ZC3H13: variants seen among roughly 807,000 people sequenced by gnomAD.
The protein encoded by ZC3H13 is zinc finger CCCH domain-containing protein 13.
ZC3H13 carries 64 observed loss-of-function variants against 204.1 expected under a neutral mutation model. The observed-to-expected ratio is 0.31, with a 90% CI of 0.26 to 0.39. The LOEUF (loss-of-function observed/expected upper bound fraction) is 0.39, where lower values mean the gene tolerates loss of function less well. ZC3H13 is among the 10% of genes least tolerant of loss of function. ZC3H13 has a pLI of 1.00. For missense variants in ZC3H13, 1,833 were observed against 2,082.7 expected, an observed-to-expected ratio of 0.88 and a Z score of 2.33; for synonymous variants, 667 against 693.7, an observed-to-expected ratio of 0.96 and a Z score of 0.60.
rs186331864 is a variant in ZC3H13 at position 46,017,407 on chromosome 13, G to T, written c.448+3042C>A. Among the ~76,000 whole-genome samples, 742 of 152,224 alleles carry T rather than the reference G, an allele frequency of 4.9e-3. 1 individual carries two copies. The highest frequency in any genetic ancestry group is 8.1e-3 in the Non-Finnish European group (552 of 68,006). The stretch of plus-strand genomic sequence containing the variant: ...TGTGGTTAACAGGTGGAATGTAGAA[G>T]CAGGTAAGAAAATCTACCTATCAAC... On this transcript the variant is annotated intron_variant, in intron 5 of 18. Coordinates refer to ENST00000679008, the MANE Select transcript of ZC3H13 (RefSeq NM_001330564.2).
chr13:46,024,802 C>T (rs1434472599), intron 4 of ZC3H13, among the ~76,000 whole-genome samples: 1 of 151,720 alleles, frequency 6.6e-6, no homozygotes, highest in African/African-American at 2.4e-5. Flanking sequence ...TGTTTTTAAA[C>T]CTTGTCAATA....
intron 5 of ZC3H13, among the ~76,000 whole-genome samples, chr13:46,014,075 A>G (rs1322381062): frequency 6.6e-6 from 1 of 152,236 alleles, no homozygotes; most frequent in East Asian, 1.9e-4. Flanking sequence ...AATGCAAACT[A>G]GTACATCTAT....
intron 8 of ZC3H13, among the ~76,000 whole-genome samples, chr13:45,998,669 A>G (rs1438489637): frequency 6.6e-6 from 1 of 152,092 alleles, no homozygotes; most frequent in Non-Finnish European, 1.5e-5. Context: ...ATAAAAGTAC[A>G]TAACTTAATT....
chr13:45,990,783 A>T (rs2039912279), intron 8 of ZC3H13, among the ~76,000 whole-genome samples: 1 of 151,412 alleles, frequency 6.6e-6, no homozygotes, highest in Non-Finnish European at 1.5e-5. Flanking sequence ...TTCAATTTCA[A>T]TGTCATTAGG....
At position 45,967,556 on chromosome 13, in the gene ZC3H13, A is replaced by G; in HGVS notation, c.4269T>C (p.Ser1423=). ...TATTTGTTTCTTCAAATCCCTGCAC[A>G]GATCCCAGATCTTTATCCATTCTCT... ...DKERMDKDLG[S]VQGFEETNKS... Residue 1423 remains serine, a synonymous_variant, in exon 15 of 19, where the codon TCT becomes TCC. Coordinates refer to ENST00000679008, the MANE Select transcript of ZC3H13 (RefSeq NM_001330564.2). 1 of 1,606,424 alleles carries G rather than the reference A, an allele frequency of 6.2e-7. No homozygotes were observed.
intron 4 of ZC3H13, among the ~76,000 whole-genome samples, chr13:46,023,264 C>G (rs2042331376): frequency 1.3e-5 from 2 of 152,158 alleles, no homozygotes; most frequent in Admixed American, 1.3e-4. Context: ...AAAATCTTAG[C>G]TCTGTGCTGT....
intron 12 of ZC3H13, among the ~76,000 whole-genome samples, chr13:45,971,837 T>A (rs1385894337): frequency 6.6e-6 from 1 of 151,830 alleles, no homozygotes; most frequent in Non-Finnish European, 1.5e-5. Context: ...AAAAAGTGGA[T>A]AAAGGACACG....
chr13:46,048,580 CAAAAAAA>C (rs56753264), intron 1 of ZC3H13, among the ~76,000 whole-genome samples: 1 of 38,660 alleles, frequency 2.6e-5, no homozygotes, highest in Non-Finnish European at 4.3e-5. Flanking sequence ...GACTCCGCCT[CAAAAAAA>C]AAAAAAAAAA....
At position 45,988,900 on chromosome 13, in the gene ZC3H13, G is replaced by A; in HGVS notation, c.1142C>T (p.Ser381Phe). 2 of 1,614,178 alleles carry A rather than the reference G, an allele frequency of 1.2e-6. No individual in the cohort carries two copies. Among genetic ancestry groups the A allele is most frequent in the Non-Finnish European group, 1.7e-6 (2 of 1,180,042 alleles). Residue 381 changes from serine to phenylalanine, a missense_variant, in exon 9 of 19, where the codon TCT becomes TTT. Ser to Phe is a radical substitution (Grantham distance 155). Around this residue, in one of 5 missense-constraint regions of ZC3H13, gnomAD observed 1,574 missense variants for 1,757.2 expected, o/e 0.90. Transcript: ENST00000679008. ...ASPYPSHSLS[S>F]PQRKQSPPRH... ...TGGAGGACTCTGCTTTCTCTGGGGA[G>A]ACGACAAAGAATGTGAAGGATAAGG...
chr13:46,013,359 A>C (rs891916397), intron 5 of ZC3H13, among the ~76,000 whole-genome samples: 1 of 152,076 alleles, frequency 6.6e-6, no homozygotes, highest in Non-Finnish European at 1.5e-5. Flanking sequence ...GGTTGCAGTA[A>C]GCTGACATCG....
In ZC3H13 at chr13:45,963,130, G is replaced by T. The variant is rs967420708; in HGVS notation, c.4675+712C>A. Reference sequence around the variant, plus strand: ...TCCTAATTACCATAGGAAGTTGGTGGTATGATTATTCCTGACTTACAGATG... The same window carrying T: ...TCCTAATTACCATAGGAAGTTGGTGTTATGATTATTCCTGACTTACAGATG... On this transcript the variant is annotated intron_variant, in intron 17 of 18. Coordinates refer to ENST00000679008, the MANE Select transcript of ZC3H13 (RefSeq NM_001330564.2). 64 of 968,044 alleles carry T rather than the reference G, an allele frequency of 6.6e-5. 3 individuals carry two copies. The highest frequency in any genetic ancestry group is 6.2e-5 in the Admixed American group (1 of 16,220). The allele number at this position is 968,044 out of a possible 1,614,324, so 60.0% of individuals were successfully genotyped here.
chr13:46,024,443 A>T (rs1284240701), intron 4 of ZC3H13, among the ~76,000 whole-genome samples: 1 of 152,168 alleles, frequency 6.6e-6, no homozygotes, highest in African/African-American at 2.4e-5. Flanking sequence ...ACTTTGGTAC[A>T]TACTTTGGGT....
chr13:46,024,316 C>T (rs1206901063), intron 4 of ZC3H13, among the ~76,000 whole-genome samples: 1 of 152,134 alleles, frequency 6.6e-6, no homozygotes, highest in Non-Finnish European at 1.5e-5. Flanking sequence ...GGTCTTTTTC[C>T]ATCTTCCTGA....
At chr13:46,029,652 T>A (rs898662528) in intron 4 of ZC3H13, among the ~76,000 whole-genome samples, 3 of 151,672 alleles carry the variant, frequency 2.0e-5, no homozygotes, top group African/African-American at 7.3e-5. Context: ...ATGGTCTCGA[T>A]CTCCTGACCT....
intron 4 of ZC3H13, among the ~76,000 whole-genome samples, chr13:46,036,309 A>G (rs1360074009): frequency 6.6e-6 from 1 of 152,242 alleles, no homozygotes; most frequent in Non-Finnish European, 1.5e-5. Flanking sequence ...CAATTCAGTA[A>G]TAAGACACCT....
chr13:46,040,660 G>T (rs1386764140), intron 4 of ZC3H13, among the ~76,000 whole-genome samples: 1 of 152,104 alleles, frequency 6.6e-6, no homozygotes, highest in African/African-American at 2.4e-5. Context: ...TCAAGAATGT[G>T]ATGATAACAC....
chr13:46,048,267 A>G (rs2044120226), intron 1 of ZC3H13, among the ~76,000 whole-genome samples: 1 of 152,020 alleles, frequency 6.6e-6, no homozygotes, highest in South Asian at 2.1e-4. Context: ...CTCCAATCCT[A>G]GACTCCCTAA....
rs1952342106 is a variant in ZC3H13 at position 45,969,065 on chromosome 13, C to T, written c.3479G>A (p.Cys1160Tyr). The change falls in exon 14 of 19, where the codon TGC becomes TAC. Residue 1160 changes from cysteine (C) to tyrosine (Y), a missense_variant. Around this residue, in one of 5 missense-constraint regions of ZC3H13, gnomAD observed 1,574 missense variants for 1,757.2 expected, o/e 0.90. Transcript: ENST00000679008. ...TFANEDSHRKCHRTRVEKVET... is the reference protein window; with the variant it reads ...TFANEDSHRKYHRTRVEKVET... Reference sequence around the variant, plus strand: ...TACTTTTTCTACTCGTGTTCTGTGGCATTTTCTGTGTGAGTCTTCATTGGC... The same window carrying T: ...TACTTTTTCTACTCGTGTTCTGTGGTATTTTCTGTGTGAGTCTTCATTGGC... The T allele has an allele frequency of 5.0e-6, 8 of 1,614,156 alleles. No individual in the cohort carries two copies. The highest frequency in any genetic ancestry group is 6.8e-6 in the Non-Finnish European group (8 of 1,180,026).
In ZC3H13 at chr13:45,985,298, C is replaced by T. The variant is rs762143115; in HGVS notation, c.1719G>A (p.Lys573=). The T allele has an allele frequency of 1.9e-6, 3 of 1,608,486 alleles. No individual in the cohort carries two copies. Among genetic ancestry groups the T allele is most frequent in the African/African-American group, 2.7e-5 (2 of 74,760 alleles). ...SRGRVPELPE[K]GSRGSRGSQI... is the part of the protein sequence containing the mutation. ...TCATAGACAAGTCAAAAACCTTACC[C>T]TTTTCAGGTAACTCAGGAACCCTCC... is the stretch of plus-strand genomic sequence containing the variant. The change falls in exon 10 of 19, where the codon AAG becomes AAA. Residue 573 remains lysine, a splice_region_variant and synonymous_variant. Transcript: ENST00000679008.
Sources: gnomAD v4.1 joint callset for allele counts (sites outside exome capture counted in the v4.1 genomes callset) on GRCh38, gnomAD v4.1.1 for gene constraint, gnomAD v4.1.1 regional missense constraint, MANE v1.5 for transcripts, NCBI Gene and HGNC (gene_info 2026-07-23, HGNC 2026-07-21) for gene names.